Variants in ADGRL2 observed in about 807,000 individuals in gnomAD.
ADGRL2 encodes the protein adhesion G protein-coupled receptor L2.
A neutral mutation model predicts 157.4 loss-of-function variants in ADGRL2; 44 were observed. The observed-to-expected ratio is 0.28, with a 90% CI of 0.22 to 0.36. The LOEUF (loss-of-function observed/expected upper bound fraction) is 0.36. ADGRL2 is among the 10% of genes least tolerant of loss of function. The pLI, the probability that ADGRL2 is intolerant of heterozygous loss-of-function variation, is 1.00. For missense variants in ADGRL2, 1,510 were observed against 1,768.9 expected (o/e 0.85, Z 2.63); for synonymous variants, 585 against 624.7 (o/e 0.94, Z 0.95).
chr1:81,849,870 A>C (rs2092935140), intron 2 of ADGRL2, among the ~76,000 whole-genome samples: 1 of 151,940 alleles, frequency 6.6e-6, no homozygotes, highest in Non-Finnish European at 1.5e-5. Context: ...GAAGATAAAT[A>C]CATACAAATA....
At chr1:81,789,843 A>G (rs1328893956) in intron 2 of ADGRL2, among the ~76,000 whole-genome samples, 1 of 152,156 alleles carries the variant, frequency 6.6e-6, no homozygotes, top group Non-Finnish European at 1.5e-5. Flanking sequence ...TTAATAAAAA[A>G]ATTTCTGGTG....
chr1:81,787,754 G>A (rs1368955950), intron 2 of ADGRL2, among the ~76,000 whole-genome samples: 2 of 152,000 alleles, frequency 1.3e-5, no homozygotes, highest in Non-Finnish European at 1.5e-5. Context: ...AGTGAATATA[G>A]AGAATAGACT....
intron 1 of ADGRL2, among the ~76,000 whole-genome samples, chr1:81,377,336 A>C (rs1282210340): frequency 6.6e-6 from 1 of 152,244 alleles, no homozygotes; most frequent in Non-Finnish European, 1.5e-5. Flanking sequence ...TAAAGTATTC[A>C]ATATATTGTC....
intron 1 of ADGRL2, among the ~76,000 whole-genome samples, chr1:81,334,822 A>C (rs1352509412): frequency 6.6e-6 from 1 of 152,222 alleles, no homozygotes; most frequent in Admixed American, 6.5e-5. Context: ...ATTAGTTGCC[A>C]GTCAGGGACA....
chr1:81,824,948 CCTCTCTCT>C (rs3046312), intron 1 of ADGRL2, among the ~76,000 whole-genome samples: 51 of 127,900 alleles, frequency 4.0e-4, no homozygotes, highest in African/African-American at 1.3e-3. Context: ...TTTTAATTCT[CCTCTCTCT>C]CTCTCTCTCT....
At chr1:81,413,667 G>A (rs2076986409) in intron 1 of ADGRL2, among the ~76,000 whole-genome samples, 2 of 152,232 alleles carry the variant, frequency 1.3e-5, no homozygotes, top group Middle Eastern at 3.4e-3. Context: ...ATAAAGATTG[G>A]TCTTTCTACT....
upstream of ADGRL2, among the ~76,000 whole-genome samples, chr1:81,696,364 T>C (rs1257906086): frequency 6.6e-6 from 1 of 152,186 alleles, no homozygotes; most frequent in Admixed American, 6.5e-5. Context: ...AAATAAATTC[T>C]AGTGTTTTTC....
intron 1 of ADGRL2, among the ~76,000 whole-genome samples, chr1:81,333,349 A>G (rs867252304): frequency 6.6e-6 from 1 of 152,162 alleles, no homozygotes; most frequent in Non-Finnish European, 1.5e-5. Context: ...ACCAGAGGAC[A>G]TAGCCCTTTA....
intron 1 of ADGRL2, among the ~76,000 whole-genome samples, chr1:81,802,394 C>G (rs1379940647): frequency 1.3e-5 from 2 of 151,910 alleles, no homozygotes; most frequent in African/African-American, 2.4e-5. Flanking sequence ...CGCGCTCGCT[C>G]GGGCTGCTCG....
Position 81,993,187 on chromosome 1 carries a change from C to T in ADGRL2, c.*2042C>T, listed in dbSNP as rs1165446989. On this transcript the variant is annotated 3_prime_UTR_variant, in exon 24 of 24. Coordinates refer to ENST00000686636, the MANE Select transcript of ADGRL2 (RefSeq NM_001366006.2). ...TGTGATCTCGGCTCACTGCAACCTC[C>T]GCCTCCCAGGTTCTCAAACAGATTT... Among the ~76,000 whole-genome samples the T allele has an allele frequency of 1.5e-5, 2 of 136,262 alleles. No homozygotes were observed. Among genetic ancestry groups the T allele is most frequent in the Non-Finnish European group, 3.1e-5 (2 of 63,752 alleles). The allele number at this position is 136,262 out of a possible 152,430, so 89.4% of individuals were successfully genotyped here.
At chr1:81,676,811 C>A (rs1035321169) in intron 3 of ADGRL2, among the ~76,000 whole-genome samples, 5 of 151,794 alleles carry the variant, frequency 3.3e-5, no homozygotes, top group Non-Finnish European at 7.4e-5. Flanking sequence ...CTCAGCCTCC[C>A]AAGTAGCTGG....
intron 1 of ADGRL2, among the ~76,000 whole-genome samples, chr1:81,387,085 G>A (rs1460870123): frequency 6.6e-6 from 1 of 152,112 alleles, no homozygotes; most frequent in Non-Finnish European, 1.5e-5. Flanking sequence ...TGGAATTAAC[G>A]TTAGCTAGTA....
chr1:81,985,509 A>G (rs1251784134), intron 21 of ADGRL2, 154 bp downstream of exon 21: 1 of 491,120 alleles, frequency 2.0e-6, no homozygotes, highest in Non-Finnish European at 3.7e-6. Flanking sequence ...GCCACAGATT[A>G]AAAATATTAT....
chr1:81,397,194 G>A (rs908382427), intron 1 of ADGRL2, among the ~76,000 whole-genome samples: 3 of 151,718 alleles, frequency 2.0e-5, no homozygotes, highest in African/African-American at 7.3e-5. Flanking sequence ...ATCTTGGTAG[G>A]TTGTATGTGT....
chr1:81,628,810 T>C (rs776992172), intron 3 of ADGRL2, among the ~76,000 whole-genome samples: 1 of 152,200 alleles, frequency 6.6e-6, no homozygotes, highest in Non-Finnish European at 1.5e-5. Flanking sequence ...GAATGAATTT[T>C]TTAGGCAAAA....
chr1:81,351,640 G>A (rs1033035828), intron 1 of ADGRL2, among the ~76,000 whole-genome samples: 7 of 151,988 alleles, frequency 4.6e-5, no homozygotes, highest in African/African-American at 1.5e-4. Context: ...TACCCAGCAC[G>A]TCAAACCAGC....
intron 1 of ADGRL2, among the ~76,000 whole-genome samples, chr1:81,711,702 A>G (rs1056842056): frequency 6.6e-6 from 1 of 152,202 alleles, no homozygotes; most frequent in South Asian, 2.1e-4. Flanking sequence ...TAGCAGTTTT[A>G]TACACCAGTG....
intron 3 of ADGRL2, among the ~76,000 whole-genome samples, chr1:81,919,849 T>C (rs1044532801): frequency 1.3e-5 from 2 of 152,270 alleles, no homozygotes; most frequent in South Asian, 2.1e-4. Context: ...AAATATATTA[T>C]CTAATAAGTT....
At chr1:81,452,431 CT>C (rs2077719680) in intron 2 of ADGRL2, among the ~76,000 whole-genome samples, 1 of 152,126 alleles carries the variant, frequency 6.6e-6, no homozygotes, top group African/African-American at 2.4e-5. Flanking sequence ...CTCAATGCCC[CT>C]GATACAAAGT....
Sources: allele counts gnomAD v4.1 joint callset (sites outside exome capture counted in the v4.1 genomes callset), GRCh38; gene constraint gnomAD v4.1.1; transcripts MANE v1.5; gene names NCBI Gene and HGNC (gene_info 2026-07-23, HGNC 2026-07-21).